PTPRB: variants seen among roughly 807,000 people sequenced by gnomAD.
The protein encoded by PTPRB is receptor-type tyrosine-protein phosphatase beta.
Under a neutral mutation model 238.1 loss-of-function variants are expected in PTPRB, and 97 were observed. The ratio of observed to expected loss-of-function variants is 0.41; its 90% CI spans 0.35 to 0.48. PTPRB has a LOEUF of 0.48. Among genes scored for constraint, PTPRB ranks in the 20% least tolerant of loss-of-function variants. The pLI is 0.30. For missense variants in PTPRB, 2,292 were observed against 2,681.9 expected (o/e 0.85, Z 3.21); for synonymous variants, 970 against 995.4 (o/e 0.97, Z 0.48).
At chr12:70,575,360 A>G (rs1565964639) in intron 11 of PTPRB, among the ~76,000 whole-genome samples, 3 of 152,234 alleles carry the variant, frequency 2.0e-5, no homozygotes, top group Admixed American at 2.0e-4. Flanking sequence ...TGGAGGTCAC[A>G]GAAACCATAA....
At chr12:70,525,362 A>AGAT (rs1042688662) in intron 32 of PTPRB, 1 of 152,232 alleles carries the variant, frequency 6.6e-6, no homozygotes, top group Non-Finnish European at 1.5e-5. Flanking sequence ...TATTCTAGGA[A>AGAT]GATAGTGAAA....
rs1055107310 is a variant in PTPRB, at chr12:70,517,096, C to G, written c.*4393G>C. ...CTGCATTTTAACTAAAATGGCCAAA[C>G]ATTTTCAAAGTCATCATGCACTACA... On this transcript the variant is annotated 3_prime_UTR_variant, in exon 34 of 34. Transcript: ENST00000334414. The G allele has an allele frequency of 6.6e-6, 1 of 152,158 alleles. No individual in the cohort carries two copies. The highest frequency in any genetic ancestry group is 2.4e-5 in the African/African-American group (1 of 41,438). 9.4% of individuals were successfully genotyped at this position (152,158 alleles called of 1,614,324 possible). A position where few individuals can be genotyped will look rare whatever the true frequency, so the allele number is the denominator to read the frequency against.
At chr12:70,556,331 G>T (rs1356604364) in intron 18 of PTPRB, among the ~76,000 whole-genome samples, 183 bp from the exon 19 acceptor site, 1 of 152,086 alleles carries the variant, frequency 6.6e-6, no homozygotes, top group Non-Finnish European at 1.5e-5. Flanking sequence ...CCAAGGTTGG[G>T]GTAGGAAAAG....
chr12:70,572,708 G>A (rs1467065986), intron 11 of PTPRB, among the ~76,000 whole-genome samples: 1 of 148,592 alleles, frequency 6.7e-6, no homozygotes, highest in Non-Finnish European at 1.5e-5. Context: ...GGCACAGGTT[G>A]CAGTGAACCA....
Position 70,539,943 on chromosome 12 carries a change from T to G in PTPRB, c.5674A>C (p.Lys1892Gln). The G allele has an allele frequency of 6.2e-7, 1 of 1,608,964 alleles. No individual in the cohort carries two copies. The highest frequency in any genetic ancestry group is 1.7e-5 in the Admixed American group (1 of 60,020). Residue 1892 changes from lysine to glutamine, a missense_variant, in exon 24 of 34, where the codon AAA (lysine) becomes CAA (glutamine). Transcript: ENST00000334414. ...GAAGGCAAATGTGGTGCTTACCCTTTCTGGCCCAGGTTTAAGTGGACAGAT... is the reference window on the plus strand; with the variant it reads ...GAAGGCAAATGTGGTGCTTACCCTTGCTGGCCCAGGTTTAAGTGGACAGAT... ...PLSVHLNLGQKGNRKTSCPIK... is the reference protein window; with the variant it reads ...PLSVHLNLGQQGNRKTSCPIK...
chr12:70,549,831 T>C (rs1876612451), intron 21 of PTPRB, among the ~76,000 whole-genome samples: 1 of 152,210 alleles, frequency 6.6e-6, no homozygotes, highest in East Asian at 1.9e-4. Flanking sequence ...TGGAGAAATA[T>C]AGGAAAGGTG....
chr12:70,570,898 A>G, intron 13 of PTPRB, 128 bp downstream of exon 13: 1 of 992,904 alleles, frequency 1.0e-6, no homozygotes, highest in Non-Finnish European at 1.5e-6. Flanking sequence ...GTCACTATCA[A>G]CATGACTTTG....
At chr12:70,636,648 G>A (rs1885708698) in intron 1 of PTPRB, among the ~76,000 whole-genome samples, 1 of 152,110 alleles carries the variant, frequency 6.6e-6, no homozygotes, top group Non-Finnish European at 1.5e-5. Flanking sequence ...GCTAATTGCA[G>A]CCAATGAAAG....
chr12:70,612,433 C>T (rs1473162821), intron 3 of PTPRB, among the ~76,000 whole-genome samples: 1 of 152,094 alleles, frequency 6.6e-6, no homozygotes, highest in East Asian at 1.9e-4. Flanking sequence ...TAAATTGGTT[C>T]ATTTTGGTTT....
rs1389714336 is a variant in PTPRB, at chr12:70,517,964, GA to G, written c.*3524del. 2 of 152,198 alleles carry G rather than the reference GA, an allele frequency of 1.3e-5. No individual in the cohort carries two copies. Among genetic ancestry groups the G allele is most frequent in the Non-Finnish European group, 2.9e-5 (2 of 68,044 alleles). 9.4% of individuals were successfully genotyped at this position (152,198 alleles called of 1,614,324 possible). ...CAGCAAGGCAAGAGAATCAGCATGT[GA>G]AGGGTAGCATGTGAGGTCTATTTTT... On this transcript the variant is annotated 3_prime_UTR_variant, in exon 34 of 34. Coordinates refer to ENST00000334414, the MANE Select transcript of PTPRB (RefSeq NM_001109754.4).
At chr12:70,583,133 T>G (rs1237747027) in intron 9 of PTPRB, among the ~76,000 whole-genome samples, 2 of 152,126 alleles carry the variant, frequency 1.3e-5, no homozygotes, top group Non-Finnish European at 2.9e-5. Flanking sequence ...TTTACAATAC[T>G]TTGGAAAGCA....
rs995577472 is a variant in PTPRB, at chr12:70,594,775, A to T, written c.1259-51T>A. The T allele has an allele frequency of 2.5e-6, 4 of 1,583,680 alleles. No individual in the cohort carries two copies. In the African/African-American group the frequency reaches 4.0e-5, roughly 16 times the overall value. ...ATGTCATTAATAATTCCCTTATAGG[A>T]GACATAGACACATTTAATTAGAAGT... On this transcript the variant is annotated intron_variant, in intron 5 of 33. Transcript: ENST00000334414.
chr12:70,587,786 A>C (rs927124688), intron 8 of PTPRB, among the ~76,000 whole-genome samples: 4 of 152,156 alleles, frequency 2.6e-5, no homozygotes, highest in Admixed American at 2.0e-4. Flanking sequence ...TTTTATTGTT[A>C]AAATTTCTAG....
chr12:70,524,204 G>A (rs1872003373), intron 33 of PTPRB, among the ~76,000 whole-genome samples: 1 of 151,862 alleles, frequency 6.6e-6, no homozygotes, highest in South Asian at 2.1e-4. Flanking sequence ...GACCTCCCAA[G>A]CCCAAGTGAT....
chr12:70,612,020 C>A (rs1314039871), intron 3 of PTPRB, among the ~76,000 whole-genome samples: 5 of 152,190 alleles, frequency 3.3e-5, no homozygotes, highest in African/African-American at 1.2e-4. Flanking sequence ...TGTTTTTCTT[C>A]TCTTGCTGTA....
chr12:70,568,768 G>A (rs1879649703), intron 14 of PTPRB, among the ~76,000 whole-genome samples: 1 of 152,230 alleles, frequency 6.6e-6, no homozygotes, highest in Admixed American at 6.5e-5. Context: ...TTGTGTCACA[G>A]TGGAGAGGGC....
chr12:70,604,639 C>T (rs1208908232), intron 4 of PTPRB, among the ~76,000 whole-genome samples: 4 of 152,170 alleles, frequency 2.6e-5, no homozygotes, highest in Non-Finnish European at 5.9e-5. Context: ...TGAATTGTGT[C>T]CCCACCAAAT....
intron 6 of PTPRB, among the ~76,000 whole-genome samples, chr12:70,594,195 A>C (rs1292277695): frequency 1.3e-5 from 2 of 152,196 alleles, no homozygotes; most frequent in African/African-American, 4.8e-5. Context: ...AATCCTTAGC[A>C]AGGAGATAGA....
chr12:70,553,125 G>T, intron 20 of PTPRB, 105 bp from the exon 21 acceptor site: 1 of 1,329,798 alleles, frequency 7.5e-7, no homozygotes, highest in African/African-American at 1.5e-5. Flanking sequence ...CACTATCTCT[G>T]GCCATTTCCA....
Sources: allele counts gnomAD v4.1 joint callset (sites outside exome capture counted in the v4.1 genomes callset), GRCh38; gene constraint gnomAD v4.1.1; transcripts MANE v1.5; gene names NCBI Gene and HGNC (gene_info 2026-07-23, HGNC 2026-07-21).